The following CDH18 variants were observed in gnomAD, a reference collection of about 807,000 sequenced individuals.
CDH18 encodes the protein cadherin-18.
Under a neutral mutation model 67.9 loss-of-function variants are expected in CDH18, and 31 were observed. The observed-to-expected ratio is 0.46, with a 90% CI of 0.34 to 0.62. The LOEUF is 0.62. Ranked by LOEUF, CDH18 falls within the 20% of genes least tolerant of loss-of-function variation. The pLI is 0.01. For missense variants in CDH18, 890 were observed against 975.5 expected (o/e 0.91, Z 1.17); for synonymous variants, 362 against 347.2 (o/e 1.04, Z -0.48).
At chr5:19,815,982 G>A (rs555304437) in intron 3 of CDH18, among the ~76,000 whole-genome samples, 2 of 151,942 alleles carry the variant, frequency 1.3e-5, no homozygotes, top group African/African-American at 4.8e-5. Context: ...TTCAACATAC[G>A]ATTTATATCT....
At chr5:20,449,840 T>G (rs1750296577) in intron 1 of CDH18, among the ~76,000 whole-genome samples, 1 of 151,968 alleles carries the variant, frequency 6.6e-6, no homozygotes, top group Admixed American at 6.6e-5. Flanking sequence ...AAAATATATA[T>G]ATATAATTGA....
At chr5:20,539,756 A>AC (rs1756948870) in intron 1 of CDH18, among the ~76,000 whole-genome samples, 2 of 54,848 alleles carry the variant, frequency 3.6e-5, no homozygotes, top group Non-Finnish European at 5.4e-5. Context: ...ACACACACAC[A>AC]AACACACACA....
chr5:20,051,098 G>A (rs185317742), intron 2 of CDH18, among the ~76,000 whole-genome samples: 30 of 151,956 alleles, frequency 2.0e-4, no homozygotes, highest in African/African-American at 6.3e-4. Context: ...ACTAAAAATC[G>A]TGGCTAGTGT....
At chr5:19,983,729 C>T (rs866593427) in intron 1 of CDH18, among the ~76,000 whole-genome samples, 21 of 152,106 alleles carry the variant, frequency 1.4e-4, no homozygotes, top group South Asian at 6.2e-4. Flanking sequence ...TCCTCTCTAC[C>T]TGCTAATTTT....
chr5:19,859,989 G>GGTGTGTGTGTGTGTGTGTGTGT (rs3065070), intron 2 of CDH18, among the ~76,000 whole-genome samples: 5 of 143,148 alleles, frequency 3.5e-5, no homozygotes, highest in Non-Finnish European at 7.6e-5. Flanking sequence ...GTTTGCTTTG[G>GGTGTGTGTGTGTGTGTGTGTGT]GTGTGTGTGT....
chr5:20,234,696 T>A (rs902053903), intron 2 of CDH18, among the ~76,000 whole-genome samples: 4 of 152,020 alleles, frequency 2.6e-5, no homozygotes, highest in African/African-American at 9.7e-5. Context: ...CTAAGATGAT[T>A]CCCAAATTAA....
At chr5:19,945,321 G>T (rs1181883165) in intron 2 of CDH18, among the ~76,000 whole-genome samples, 1 of 152,104 alleles carries the variant, frequency 6.6e-6, no homozygotes, top group Non-Finnish European at 1.5e-5. Flanking sequence ...GAGTGCAAGG[G>T]ATCTGAAAAC....
At chr5:19,846,583 G>C (rs1373062680) in intron 2 of CDH18, among the ~76,000 whole-genome samples, 1 of 152,016 alleles carries the variant, frequency 6.6e-6, no homozygotes, top group East Asian at 1.9e-4. Context: ...AAAATATTCA[G>C]GGGATGTGAA....
intron 2 of CDH18, among the ~76,000 whole-genome samples, chr5:20,190,675 G>A (rs921461655): frequency 4.6e-5 from 7 of 151,826 alleles, no homozygotes; most frequent in South Asian, 2.1e-4. Flanking sequence ...ACTTATTTCC[G>A]TATATGTAAA....
intron 1 of CDH18, among the ~76,000 whole-genome samples, chr5:20,318,481 T>C (rs577957348): frequency 6.6e-5 from 10 of 152,090 alleles, no homozygotes; most frequent in Non-Finnish European, 1.5e-4. Context: ...GATGGGATCC[T>C]GGGGGTGGGG....
chr5:19,504,137 G>A (rs146309991), intron 10 of CDH18, among the ~76,000 whole-genome samples: 3 of 152,220 alleles, frequency 2.0e-5, no homozygotes, highest in East Asian at 1.9e-4. Context: ...TCAGAAAGAT[G>A]AGGAGGAAAA....
chr5:19,811,232 T>C (rs924860595), intron 3 of CDH18, among the ~76,000 whole-genome samples: 2 of 149,586 alleles, frequency 1.3e-5, no homozygotes, highest in Admixed American at 1.3e-4. Flanking sequence ...AAGAAAGAGA[T>C]AAAGAAAGAA....
rs1012108174 is a variant in CDH18 at position 20,024,322 on chromosome 5, T to C, written c.-517-32308A>G. On this transcript the variant is annotated intron_variant, in intron 2 of 14. Transcript: ENST00000507958. ...GGAAATAACATATGGCTCCCAGGTGTCTGGGACTGGGGTAGGGTGCTATAT... is the reference window on the plus strand; with the variant it reads ...GGAAATAACATATGGCTCCCAGGTGCCTGGGACTGGGGTAGGGTGCTATAT... Among the ~76,000 whole-genome samples the C allele has an allele frequency of 4.6e-5, 7 of 152,206 alleles. 1 individual carries two copies. In the East Asian group the frequency reaches 1.2e-3, roughly 25 times the overall value.
intron 1 of CDH18, among the ~76,000 whole-genome samples, chr5:20,514,266 G>C (rs1455685477): frequency 6.6e-6 from 1 of 151,444 alleles, no homozygotes; most frequent in Non-Finnish European, 1.5e-5. Flanking sequence ...TTTTTAATTG[G>C]TGTCTGACAT....
intron 2 of CDH18, among the ~76,000 whole-genome samples, chr5:20,104,553 T>G (rs1328666620): frequency 6.6e-6 from 1 of 152,096 alleles, no homozygotes; most frequent in East Asian, 1.9e-4. Flanking sequence ...ATAAAACAAC[T>G]AGTTTTTAGA....
chr5:19,697,732 A>G (rs1048150337), intron 5 of CDH18, among the ~76,000 whole-genome samples: 2 of 152,148 alleles, frequency 1.3e-5, no homozygotes, highest in Admixed American at 1.3e-4. Flanking sequence ...CACAAGAAGA[A>G]AAATTGAAAG....
intron 2 of CDH18, among the ~76,000 whole-genome samples, chr5:20,230,353 T>C (rs746699198): frequency 6.6e-6 from 1 of 152,182 alleles, no homozygotes; most frequent in Non-Finnish European, 1.5e-5. Flanking sequence ...TACTGGTTAA[T>C]ACTGTGCAAT....
Position 19,818,948 on chromosome 5 carries a change from T to A in CDH18, c.228+19811A>T, listed in dbSNP as rs142171973. Among the ~76,000 whole-genome samples, 13 of 152,208 alleles carry A rather than the reference T, an allele frequency of 8.5e-5. No individual in the cohort carries two copies. In the East Asian group the frequency reaches 2.5e-3, roughly 29 times the overall value. On this transcript the variant is annotated intron_variant, in intron 3 of 12. Coordinates refer to ENST00000382275, the MANE Select transcript of CDH18 (RefSeq NM_004934.5). The stretch of plus-strand genomic sequence containing the variant: ...ATTTTAAAAGATCTTTAACAAGTAA[T>A]CAGATCTATGAGATATATCCCTCCG...
chr5:19,591,388 A>G (rs1279458514), intron 6 of CDH18, 144 bp from the exon 7 acceptor site: 3 of 458,298 alleles, frequency 6.5e-6, no homozygotes, highest in South Asian at 1.4e-4. Flanking sequence ...TTTTAAAAGT[A>G]GACTATTTTG....
Sources: gnomAD v4.1 joint callset for allele counts (sites outside exome capture counted in the v4.1 genomes callset) on GRCh38, gnomAD v4.1.1 for gene constraint, MANE v1.5 for transcripts, NCBI Gene and HGNC (gene_info 2026-07-23, HGNC 2026-07-21) for gene names.